Variants in DOCK3 observed in about 807,000 individuals in gnomAD.
DOCK3 encodes the protein dedicator of cytokinesis 3.
DOCK3 carries 60 observed loss-of-function variants against 265.6 expected under a neutral mutation model. The observed-to-expected ratio is 0.23, with a 90% CI of 0.18 to 0.28. The LOEUF (loss-of-function observed/expected upper bound fraction) is 0.28. Ranked by LOEUF, DOCK3 falls within the 10% of genes least tolerant of loss-of-function variation. The probability of loss-of-function intolerance (pLI) is 1.00; values close to 1 mark genes in which losing one functional copy is unlikely to be tolerated. For synonymous variants in DOCK3, 881 were observed against 938.0 expected (o/e 0.94, Z 1.11); for missense variants, 1,981 against 2,594.3 (o/e 0.76, Z 5.14).
At chr3:51,073,129 G>A (rs1374002099) in intron 6 of DOCK3, among the ~76,000 whole-genome samples, 1 of 152,052 alleles carries the variant, frequency 6.6e-6, no homozygotes, top group Non-Finnish European at 1.5e-5. Flanking sequence ...TGTATGAAAT[G>A]TTGTCTCTTC....
intron 5 of DOCK3, among the ~76,000 whole-genome samples, chr3:50,998,028 T>G (rs1021072517): frequency 6.6e-6 from 1 of 152,160 alleles, no homozygotes; most frequent in Non-Finnish European, 1.5e-5. Context: ...ATTACAAACT[T>G]TCTGAGATGA....
chr3:50,675,251 G>T lies in DOCK3; in HGVS notation c.-13G>T. 4.2e-6 allele frequency: 5 copies of T among 1,198,370 alleles called. No individual in the cohort carries two copies. The South Asian group carries it at 1.7e-4, about 40-fold the overall frequency. 74.2% of individuals were successfully genotyped at this position (1,198,370 alleles called of 1,614,324 possible). On this transcript the variant is annotated 5_prime_UTR_variant, in exon 1 of 53. Transcript: ENST00000266037. The surrounding 1 kb of genome is among the most constrained non-coding windows in gnomAD (Gnocchi z 6.1). ...CCGGTCGCCGCGCCCGCGGGGCCGC[G>T]CCCGGCACGGCCATGTGGACCCCCA... is the stretch of plus-strand genomic sequence containing the variant.
chr3:51,065,018 A>G (rs1402337735), intron 6 of DOCK3, among the ~76,000 whole-genome samples: 1 of 152,190 alleles, frequency 6.6e-6, no homozygotes, highest in Non-Finnish European at 1.5e-5. Context: ...ACAAATGGAA[A>G]CTGTCTACAT....
At chr3:50,941,480 C>T (rs890323201) in intron 5 of DOCK3, among the ~76,000 whole-genome samples, 4 of 152,070 alleles carry the variant, frequency 2.6e-5, no homozygotes, top group Non-Finnish European at 4.4e-5. Context: ...TAAAATGGCA[C>T]ACCCACTTGG....
At chr3:50,926,361 A>T (rs73833947) in intron 4 of DOCK3, among the ~76,000 whole-genome samples, 3,841 of 152,268 alleles carry the variant, frequency 0.025, 185 homozygotes, top group African/African-American at 0.088. Context: ...AGGGTTTTTT[A>T]AAAAAGTTTG....
chr3:51,050,759 A>G (rs766447986), intron 5 of DOCK3, among the ~76,000 whole-genome samples: 2 of 152,118 alleles, frequency 1.3e-5, no homozygotes, highest in African/African-American at 2.4e-5. Flanking sequence ...ACCCATCCAT[A>G]TTAGTTCTTC....
At position 51,375,767 on chromosome 3, in the gene DOCK3, C is replaced by G. The variant is rs1463040216; in HGVS notation, c.5432C>G (p.Ala1811Gly). ...ENGQPPNFQR[A>G]LFQQVVGACK... ...CTTCAGCCGCCGAATTTCCAGCGAG[C>G]CCTGTTCCAGCAAGTGGTCGGAGCC... is the stretch of plus-strand genomic sequence containing the variant. The change falls in exon 51 of 53, where the codon GCC (alanine) becomes GGC (glycine). Residue 1811 changes from alanine to glycine, a missense_variant. Physicochemically the swap from Ala to Gly is moderately conservative, Grantham distance 60. This residue lies in a region of DOCK3 where 1,357 missense variants were observed against 1,866.8 expected (regional missense o/e 0.73). Coordinates refer to ENST00000266037, the MANE Select transcript of DOCK3 (RefSeq NM_004947.5). 1 of 1,613,882 alleles carries G rather than the reference C, an allele frequency of 6.2e-7. No individual in the cohort carries two copies. Among genetic ancestry groups the G allele is most frequent in the African/African-American group, 1.3e-5 (1 of 74,920 alleles).
At chr3:51,267,919 T>A (rs1361218798) in intron 23 of DOCK3, among the ~76,000 whole-genome samples, 1 of 152,102 alleles carries the variant, frequency 6.6e-6, no homozygotes, top group African/African-American at 2.4e-5. Flanking sequence ...CATGTTCTCA[T>A]TCATAAGTGG....
At chr3:51,142,979 C>T (rs908434729) in intron 9 of DOCK3, among the ~76,000 whole-genome samples, 10 of 151,804 alleles carry the variant, frequency 6.6e-5, no homozygotes, top group African/African-American at 1.2e-4. Context: ...CTCTGCCTCC[C>T]GGGTTCAAGT....
intron 5 of DOCK3, among the ~76,000 whole-genome samples, chr3:50,974,291 TA>T (rs1420266869): frequency 2.0e-5 from 3 of 151,794 alleles, no homozygotes; most frequent in African/African-American, 7.3e-5. Flanking sequence ...TTTAAGTCTT[TA>T]ATCCATCTTG....
chr3:50,779,239 T>C (rs1205662128), intron 2 of DOCK3, among the ~76,000 whole-genome samples: 1 of 152,206 alleles, frequency 6.6e-6, no homozygotes, highest in Non-Finnish European at 1.5e-5. Context: ...CTCTTACTTA[T>C]TTTTTATGAA....
At position 51,271,445 on chromosome 3, in the gene DOCK3, G is replaced by A. The variant is rs1323924220; in HGVS notation, c.2548+438G>A. ...GTTCTCACATAGCAGAAGGGGCAAG[G>A]CAGCTCTCTGGGGTCTTTTTTTTTA... On this transcript the variant is annotated intron_variant, in intron 24 of 52. Transcript: ENST00000266037. Among the ~76,000 whole-genome samples the A allele has an allele frequency of 2.6e-5, 4 of 152,280 alleles. No homozygotes were observed. The East Asian group carries it at 7.7e-4, about 29-fold the overall frequency.
intron 12 of DOCK3, among the ~76,000 whole-genome samples, chr3:51,188,404 G>T (rs1256008137): frequency 6.6e-6 from 1 of 152,210 alleles, no homozygotes; most frequent in African/African-American, 2.4e-5. Flanking sequence ...TGAGGTACAT[G>T]AGGGATTTCG....
chr3:51,249,108 G>A (rs2079011627), intron 22 of DOCK3, among the ~76,000 whole-genome samples: 1 of 149,680 alleles, frequency 6.7e-6, no homozygotes, highest in Non-Finnish European at 1.5e-5. Flanking sequence ...GGTGGGGGGG[G>A]TCAGCCCCCC....
intron 7 of DOCK3, among the ~76,000 whole-genome samples, chr3:51,079,215 C>A (rs560745034): frequency 6.6e-6 from 1 of 152,260 alleles, no homozygotes; most frequent in Admixed American, 6.5e-5. Context: ...AAAGTTTGCA[C>A]TCATAGCATT....
intron 5 of DOCK3, among the ~76,000 whole-genome samples, chr3:50,985,033 G>A (rs1011255174): frequency 4.6e-5 from 7 of 152,274 alleles, no homozygotes; most frequent in African/African-American, 1.7e-4. Flanking sequence ...AGGGATGACT[G>A]TGTACCCATG....
intron 5 of DOCK3, among the ~76,000 whole-genome samples, chr3:50,951,690 A>C (rs2076595880): frequency 6.6e-6 from 1 of 152,158 alleles, no homozygotes; most frequent in Non-Finnish European, 1.5e-5. Context: ...GTTCTCTCAT[A>C]ATTAGTTTTA....
In DOCK3 at chr3:51,214,112, GT is replaced by G; in HGVS notation, c.1127-5del. ...ACTGTGGTTCTAAGAAAATGCTTTTGTTTTTGCAGGTCTTATCATTTCTCTG... is the reference window on the plus strand; with the variant it reads ...ACTGTGGTTCTAAGAAAATGCTTTTGTTTTGCAGGTCTTATCATTTCTCTG... On this transcript the variant is annotated splice_polypyrimidine_tract_variant and intron_variant, in intron 13 of 52. Coordinates refer to ENST00000266037, the MANE Select transcript of DOCK3 (RefSeq NM_004947.5). 5.0e-6 allele frequency: 8 copies of G among 1,613,624 alleles called. No individual in the cohort carries two copies. Among genetic ancestry groups the G allele is most frequent in the Non-Finnish European group, 6.8e-6 (8 of 1,179,736 alleles).
intron 2 of DOCK3, among the ~76,000 whole-genome samples, chr3:50,793,713 A>G (rs1185421069): frequency 7.7e-6 from 1 of 130,406 alleles, no homozygotes; most frequent in Non-Finnish European, 1.6e-5. Context: ...GATCTTTTGA[A>G]TGGTTTTTCA....
Sources: gnomAD v4.1 joint callset for allele counts (sites outside exome capture counted in the v4.1 genomes callset) on GRCh38, gnomAD v4.1.1 for gene constraint, gnomAD v4.1.1 regional missense constraint, Gnocchi (gnomAD v3.1) non-coding constraint, MANE v1.5 for transcripts, NCBI Gene and HGNC (gene_info 2026-07-23, HGNC 2026-07-21) for gene names.